The following VPS35 variants were observed in gnomAD, a reference collection of about 807,000 sequenced individuals.
VPS35 encodes the protein vacuolar protein sorting-associated protein 35.
A neutral mutation model predicts 98.1 loss-of-function variants in VPS35; 21 were observed. That is an observed-to-expected ratio of 0.21 (90% CI 0.15 to 0.31). The LOEUF is 0.31. Among genes scored for constraint, VPS35 ranks in the 10% least tolerant of loss-of-function variants. The pLI is 1.00. For missense variants in VPS35, 554 were observed against 950.8 expected (o/e 0.58, Z 5.49); for synonymous variants, 268 against 318.2 (o/e 0.84, Z 1.68).
chr16:46,660,021 T>C lies in VPS35; in HGVS notation c.*451A>G, dbSNP rs1226460588. On this transcript the variant is annotated 3_prime_UTR_variant, in exon 17 of 17. Transcript: ENST00000299138. ...CCCAAGATGAATTTCACATACAGTA[T>C]TCCTTTCTTCTAAATTAATCTCAAA... 1 of 156,502 alleles carries C rather than the reference T, an allele frequency of 6.4e-6. No individual in the cohort carries two copies. The highest frequency in any genetic ancestry group is 2.4e-5 in the African/African-American group (1 of 41,462). 9.7% of individuals were successfully genotyped at this position (156,502 alleles called of 1,614,324 possible). A position where few individuals can be genotyped will look rare whatever the true frequency, so the allele number is the denominator to read the frequency against.
At chr16:46,681,348 C>A (rs894560087) in intron 4 of VPS35, 29 bp downstream of exon 4, 20 of 1,612,868 alleles carry the variant, frequency 1.2e-5, no homozygotes, top group Non-Finnish European at 1.7e-5. Flanking sequence ...AATACAGACA[C>A]AAAAGTTCTC....
At chr16:46,685,594 A>C (rs1410973413) in intron 1 of VPS35, among the ~76,000 whole-genome samples, 3 of 152,180 alleles carry the variant, frequency 2.0e-5, no homozygotes, top group African/African-American at 7.2e-5. Context: ...AATTTAACCC[A>C]GTGGAACTAT....
Position 46,665,786 on chromosome 16 carries a change from T to C in VPS35, c.1648-2624A>G, listed in dbSNP as rs549644330. Among the ~76,000 whole-genome samples the C allele has an allele frequency of 9.9e-4, 151 of 152,324 alleles. 2 individuals carry two copies. The Middle Eastern group carries it at 0.02, about 21-fold the overall frequency. On this transcript the variant is annotated intron_variant, in intron 13 of 16. Transcript: ENST00000299138. ...GGCAACTACTGTTCTAGTCTTTGCT[T>C]ACACAAGTTCAACCATTTTTTAGTG...
At chr16:46,675,251 G>A (rs1166500454) in intron 8 of VPS35, among the ~76,000 whole-genome samples, 1 of 151,936 alleles carries the variant, frequency 6.6e-6, no homozygotes, top group Non-Finnish European at 1.5e-5. Flanking sequence ...AGTGACAAAT[G>A]TATTCAACAA....
chr16:46,681,796 C>G (rs574109423), intron 3 of VPS35: 1 of 538,818 alleles, frequency 1.9e-6, no homozygotes, highest in African/African-American at 1.9e-5. Context: ...ATAACAAAAT[C>G]TAAGTATTAA....
intron 12 of VPS35, among the ~76,000 whole-genome samples, chr16:46,671,182 A>C (rs761746336): frequency 2.6e-5 from 4 of 152,188 alleles, no homozygotes; most frequent in Non-Finnish European, 4.4e-5. Flanking sequence ...TCATCAAAAA[A>C]CAAAAACTCA....
chr16:46,678,768 T>C (rs1176885082), intron 6 of VPS35, among the ~76,000 whole-genome samples, 175 bp downstream of exon 6: 1 of 152,220 alleles, frequency 6.6e-6, no homozygotes, highest in Non-Finnish European at 1.5e-5. Flanking sequence ...TTGACAATAT[T>C]AAGTCTTCCA....
At chr16:46,660,837 A>AC (rs1223586764) in intron 16 of VPS35, 186 bp from the exon 17 acceptor site, 7 of 683,842 alleles carry the variant, frequency 1.0e-5, no homozygotes, top group African/African-American at 3.6e-5. Flanking sequence ...AAAAAAAAAA[A>AC]AACAACCCTT....
At position 46,660,874 on chromosome 16, in the gene VPS35, A is replaced by T. The variant is rs1965904293; in HGVS notation, c.2212-223T>A. On this transcript the variant is annotated intron_variant, in intron 16 of 16. Transcript: ENST00000299138. The stretch of plus-strand genomic sequence containing the variant: ...AAAACAAGCAAAATTGGCTCGGCTC[A>T]GTGGCTCATCCCTGTACTCCCAGCA... The T allele has an allele frequency of 5.6e-6, 3 of 537,252 alleles. No individual in the cohort carries two copies. The Admixed American group carries it at 7.4e-5, about 13-fold the overall frequency. 33.3% of individuals were successfully genotyped at this position (537,252 alleles called of 1,614,324 possible).
chr16:46,665,916 T>G (rs928154597), intron 13 of VPS35, among the ~76,000 whole-genome samples: 1 of 151,434 alleles, frequency 6.6e-6, no homozygotes, highest in African/African-American at 2.4e-5. Flanking sequence ...CTAGCCTCTT[T>G]TTTTTGAGAC....
At position 46,660,189 on chromosome 16, in the gene VPS35, GTGTTTTTTTTTT is replaced by G. The variant is rs889270416; in HGVS notation, c.*271_*282del. 8 of 98,310 alleles carry G rather than the reference GTGTTTTTTTTTT, an allele frequency of 8.1e-5. 1 individual carries two copies. The highest frequency in any genetic ancestry group is 1.5e-4 in the African/African-American group (4 of 26,064). The allele number at this position is 98,310 out of a possible 1,614,324, so 6.1% of individuals were successfully genotyped here. ...GCCAAGATAAGTGCTTGTGGGTTTT[GTGTTTTTTTTTT>G]TTTTTTTTTTTACAGATCACAGGAA... On this transcript the variant is annotated 3_prime_UTR_variant, in exon 17 of 17. Transcript: ENST00000299138.
In VPS35 at chr16:46,666,425, C is replaced by T. The variant is rs142750992; in HGVS notation, c.1647+2505G>A. ...CTGGGACTACAGGCATGCGCCACCA[C>T]GCCCAGCTAATTTTGTATTTTCAGT... is the stretch of plus-strand genomic sequence containing the variant. On this transcript the variant is annotated intron_variant, in intron 13 of 16. Coordinates refer to ENST00000299138, the MANE Select transcript of VPS35 (RefSeq NM_018206.6). Among the ~76,000 whole-genome samples, 150 of 152,192 alleles carry T rather than the reference C, an allele frequency of 9.9e-4. 2 individuals carry two copies. Among genetic ancestry groups the T allele is most frequent in the Non-Finnish European group, 2.8e-4 (19 of 67,996 alleles).
intron 1 of VPS35, among the ~76,000 whole-genome samples, chr16:46,687,284 T>C (rs764238271): frequency 6.6e-5 from 10 of 152,154 alleles, no homozygotes; most frequent in Non-Finnish European, 1.5e-4. Context: ...TGGCATACAT[T>C]GACAACTGAA....
At chr16:46,688,404 C>T (rs957599115) in intron 1 of VPS35, 30 of 986,954 alleles carry the variant, frequency 3.0e-5, no homozygotes, top group African/African-American at 8.7e-5. Flanking sequence ...CCGTCATAGA[C>T]GGGCCCTAAG....
At chr16:46,669,294 A>C (rs994408970) in intron 12 of VPS35, 1 of 534,588 alleles carries the variant, frequency 1.9e-6, no homozygotes, top group Middle Eastern at 5.4e-4. Context: ...AACCTGCCCA[A>C]GGTAGCGAGT....
In VPS35 at chr16:46,683,606, G is replaced by T; in HGVS notation, c.4C>A (p.Pro2Thr). 1 of 1,609,578 alleles carries T rather than the reference G, an allele frequency of 6.2e-7. No individual in the cohort carries two copies. Among genetic ancestry groups the T allele is most frequent in the Non-Finnish European group, 8.5e-7 (1 of 1,177,528 alleles). ...TCCTGAGGGGACTGCTGTGTTGTAG[G>T]CTGAAAAATAAAAAATTCCACTGAT... M[P>T]TTQQSPQDEQ... Residue 2 changes from proline (P) to threonine (T), a missense_variant and splice_region_variant, in exon 2 of 17, where the codon CCT becomes ACT. By Grantham distance (38) the Pro-to-Thr change is conservative. Transcript: ENST00000299138.
At position 46,674,615 on chromosome 16, in the gene VPS35, C is replaced by T. The variant is rs745416544; in HGVS notation, c.960G>A (p.Ala320=). The change falls in exon 9 of 17, where the codon GCG becomes GCA. Residue 320 remains alanine (A), a synonymous_variant. Coordinates refer to ENST00000299138, the MANE Select transcript of VPS35 (RefSeq NM_018206.6). ...AAAATATATCAAAAAGTTTAATATC[C>T]GCTGGGATTCCAGGTCCATCTTCAC... is the stretch of plus-strand genomic sequence containing the variant. ...AHREDGPGIP[A]DIKLFDIFSQ... is the part of the protein sequence containing the mutation. 28 of 1,611,392 alleles carry T rather than the reference C, an allele frequency of 1.7e-5. No individual in the cohort carries two copies. Among genetic ancestry groups the T allele is most frequent in the African/African-American group, 6.7e-5 (5 of 74,556 alleles).
Position 46,662,400 on chromosome 16 carries a change from C to T in VPS35, c.1910G>A (p.Arg637Lys). The part of the protein sequence containing the change: ...AITLIIGTFE[R>K]MKCFSEENHE... ...ATTCTCTTCACTGAAGCACTTCATC[C>T]TTTCAAAAGTGCCAATGATCAAGGT... The change falls in exon 15 of 17, where the codon AGG becomes AAG. Residue 637 changes from arginine (R) to lysine (K), a missense_variant. Transcript: ENST00000299138. 2 of 1,614,204 alleles carry T rather than the reference C, an allele frequency of 1.2e-6. No individual in the cohort carries two copies. Among genetic ancestry groups the T allele is most frequent in the Non-Finnish European group, 1.7e-6 (2 of 1,180,040 alleles).
intron 7 of VPS35, 115 bp from the exon 8 acceptor site, chr16:46,676,807 C>T: frequency 1.3e-6 from 1 of 761,362 alleles, no homozygotes; most frequent in Non-Finnish European, 2.3e-6. Flanking sequence ...CAACTAAATT[C>T]AAACACATTA....
Sources: gnomAD v4.1 joint callset for allele counts (sites outside exome capture counted in the v4.1 genomes callset) on GRCh38, gnomAD v4.1.1 for gene constraint, MANE v1.5 for transcripts, NCBI Gene and HGNC (gene_info 2026-07-23, HGNC 2026-07-21) for gene names.